Variants in ABHD12B observed in about 807,000 individuals in gnomAD.
The protein encoded by ABHD12B is abhydrolase domain containing 12B.
In ABHD12B, 42 loss-of-function variants were observed where a neutral mutation model predicts 50.4. The observed-to-expected ratio is 0.83, with a 90% CI of 0.65 to 1.08. ABHD12B has a LOEUF of 1.08. Ranked by LOEUF, ABHD12B falls within the 50% of genes least tolerant of loss-of-function variation. The pLI, the probability that ABHD12B is intolerant of heterozygous loss-of-function variation, is 0.00. For synonymous variants in ABHD12B, 167 were observed against 160.3 expected (o/e 1.04, Z -0.32); for missense variants, 479 against 447.7 (o/e 1.07, Z -0.63).
At chr14:50,884,702 C>CTTT (rs35439744) in intron 5 of ABHD12B, among the ~76,000 whole-genome samples, 74 of 126,550 alleles carry the variant, frequency 5.8e-4, no homozygotes, top group African/African-American at 2.1e-3. Flanking sequence ...TGTATTTCTT[C>CTTT]TTTTTTTTTT....
At position 50,904,214 on chromosome 14, in the gene ABHD12B, G is replaced by A. The variant is rs1280949765; in HGVS notation, c.1061+22G>A. The A allele has an allele frequency of 1.9e-6, 3 of 1,613,398 alleles. No homozygotes were observed. In the African/African-American group the frequency reaches 4.0e-5, roughly 22 times the overall value. Reference sequence around the variant, plus strand: ...TGAGGTAAGAGTTGCTTTGCTAAATGTATGTTGCCCTTCAAGGCAATTAGG... The same window carrying A: ...TGAGGTAAGAGTTGCTTTGCTAAATATATGTTGCCCTTCAAGGCAATTAGG... On this transcript the variant is annotated intron_variant, in intron 12 of 12. Transcript: ENST00000337334.
chr14:50,881,992 G>T (rs905663200), intron 5 of ABHD12B, among the ~76,000 whole-genome samples: 8 of 151,054 alleles, frequency 5.3e-5, no homozygotes, highest in African/African-American at 1.9e-4. Context: ...CTGGAGTGCA[G>T]TGGCATGATC....
Position 50,886,651 on chromosome 14 carries a change from G to T in ABHD12B, c.667G>T (p.Ala223Ser). 6.2e-7 allele frequency: 1 copy of T among 1,609,004 alleles called. No individual in the cohort carries two copies. Among genetic ancestry groups the T allele is most frequent in the Non-Finnish European group, 8.5e-7 (1 of 1,177,414 alleles). Residue 223 changes from alanine to serine, a missense_variant, in exon 8 of 13, where the codon GCA becomes TCA. By Grantham distance (99) the Ala-to-Ser change is moderately conservative. Coordinates refer to ENST00000337334, the MANE Select transcript of ABHD12B (RefSeq NM_001206673.2). ...CTAATTTTCATTGCTTTACAGAGTT[G>T]CAACAAATGCTGCAAAAGTGCTAGA... is the stretch of plus-strand genomic sequence containing the variant. ...LWGHSLGTGVATNAAKVLEEK... is the reference protein window; with the variant it reads ...LWGHSLGTGVSTNAAKVLEEK...
intron 1 of ABHD12B, among the ~76,000 whole-genome samples, chr14:50,874,826 C>G (rs1446854026): frequency 2.0e-5 from 3 of 152,188 alleles, no homozygotes; most frequent in African/African-American, 4.8e-5. Context: ...CTTGGTCACA[C>G]AGCAGTAAAT....
chr14:50,883,227 G>T (rs1006450339), intron 5 of ABHD12B, among the ~76,000 whole-genome samples: 9 of 152,160 alleles, frequency 5.9e-5, no homozygotes, highest in African/African-American at 2.2e-4. Flanking sequence ...GCTGGTGACC[G>T]GCTGGTGACC....
Position 50,880,576 on chromosome 14 carries a change from G to A in ABHD12B, c.455+5G>A. ...TCATGGCAGTGCAGAACACAGGTCA[G>A]TGGCTCTGCTTACATATTTTTTTTT... is the stretch of plus-strand genomic sequence containing the variant. On this transcript the variant is annotated splice_donor_5th_base_variant and intron_variant, in intron 4 of 12. Coordinates refer to ENST00000337334, the MANE Select transcript of ABHD12B (RefSeq NM_001206673.2). The A allele has an allele frequency of 6.4e-7, 1 of 1,567,916 alleles. No individual in the cohort carries two copies. Among genetic ancestry groups the A allele is most frequent in the Non-Finnish European group, 8.6e-7 (1 of 1,157,776 alleles).
At chr14:50,895,105 C>G (rs1465425696) in intron 9 of ABHD12B, among the ~76,000 whole-genome samples, 8 of 150,072 alleles carry the variant, frequency 5.3e-5, no homozygotes, top group Non-Finnish European at 1.2e-4. Context: ...ATATAAAAAT[C>G]CAGCCCAGTT....
intron 9 of ABHD12B, among the ~76,000 whole-genome samples, chr14:50,894,651 T>C (rs2050169522): frequency 6.6e-6 from 1 of 152,098 alleles, no homozygotes; most frequent in Non-Finnish European, 1.5e-5. Context: ...TAAATAATTC[T>C]TGTTGTAAAA....
intron 11 of ABHD12B, 67 bp downstream of exon 11, chr14:50,903,534 A>G: frequency 1.4e-6 from 2 of 1,389,364 alleles, no homozygotes; most frequent in Non-Finnish European, 2.0e-6. Context: ...TCATTCAGCC[A>G]AACTTTGATT....
chr14:50,896,039 T>C (rs1013620706), intron 9 of ABHD12B, among the ~76,000 whole-genome samples: 5 of 150,424 alleles, frequency 3.3e-5, no homozygotes, highest in African/African-American at 1.2e-4. Flanking sequence ...CTTTGCGTCC[T>C]CCTCTTGTAT....
At chr14:50,878,214 A>G (rs2049890349) in intron 2 of ABHD12B, 135 bp downstream of exon 2, 4 of 791,050 alleles carry the variant, frequency 5.1e-6, no homozygotes, top group Non-Finnish European at 7.6e-6. Context: ...TCTGAAACTT[A>G]TTTAATATTG....
intron 1 of ABHD12B, 27 bp from the exon 2 acceptor site, chr14:50,877,925 C>A: frequency 1.4e-6 from 2 of 1,466,062 alleles, no homozygotes; most frequent in Non-Finnish European, 1.8e-6. Flanking sequence ...ATTTCGAAAA[C>A]CTTGTGTGTT....
At chr14:50,894,805 T>A (rs1209414940) in intron 9 of ABHD12B, among the ~76,000 whole-genome samples, 2 of 148,906 alleles carry the variant, frequency 1.3e-5, no homozygotes, top group Non-Finnish European at 2.9e-5. Context: ...CAAGCGTCGC[T>A]GAGTCTTTCT....
At chr14:50,888,157 G>A (rs1181815393) in intron 8 of ABHD12B, among the ~76,000 whole-genome samples, 2 of 151,970 alleles carry the variant, frequency 1.3e-5, no homozygotes, top group Non-Finnish European at 1.5e-5. Context: ...TCTTAGCAAC[G>A]GACTGCATGG....
At chr14:50,894,181 T>C (rs867230543) in intron 9 of ABHD12B, among the ~76,000 whole-genome samples, 1 of 137,406 alleles carries the variant, frequency 7.3e-6, no homozygotes, top group African/African-American at 3.5e-5. Context: ...TTCTCCTTCA[T>C]CCTTAGTGGC....
intron 9 of ABHD12B, chr14:50,892,025 T>C (rs2050126094): frequency 6.6e-6 from 1 of 152,250 alleles, no homozygotes; most frequent in Non-Finnish European, 1.5e-5. Flanking sequence ...TGCATTTCGG[T>C]ATACATTTTG....
rs1188884852 is a variant in ABHD12B, at chr14:50,877,945, C to T, written c.105-7C>T. The stretch of plus-strand genomic sequence containing the variant: ...GAAAACCTTGTGTGTTTCCCAATAC[C>T]TTGCAGATATTTTCCACACTCCTGT... On this transcript the variant is annotated splice_polypyrimidine_tract_variant and splice_region_variant and intron_variant, in intron 1 of 12. Coordinates refer to ENST00000337334, the MANE Select transcript of ABHD12B (RefSeq NM_001206673.2). The T allele has an allele frequency of 6.6e-7, 1 of 1,512,750 alleles. No individual in the cohort carries two copies. The allele number at this position is 1,512,750 out of a possible 1,614,324, so 93.7% of individuals were successfully genotyped here.
intron 9 of ABHD12B, chr14:50,895,434 G>A (rs1205220557): frequency 6.6e-6 from 1 of 152,180 alleles, no homozygotes; most frequent in Non-Finnish European, 1.5e-5. Flanking sequence ...TCCTCCCACA[G>A]GAGCTTGCTA....
chr14:50,890,440 A>G (rs1371584867), intron 9 of ABHD12B, among the ~76,000 whole-genome samples: 1 of 152,180 alleles, frequency 6.6e-6, no homozygotes. Flanking sequence ...CTTAGTCCTT[A>G]GATGGAATTC....
Sources: gnomAD v4.1 joint callset for allele counts (sites outside exome capture counted in the v4.1 genomes callset) on GRCh38, gnomAD v4.1.1 for gene constraint, MANE v1.5 for transcripts, NCBI Gene and HGNC (gene_info 2026-07-23, HGNC 2026-07-21) for gene names.